TAF15: variants seen among roughly 807,000 people sequenced by gnomAD.
The protein encoded by TAF15 is TATA-box binding protein associated factor 15.
A neutral mutation model predicts 102.5 loss-of-function variants in TAF15; 37 were observed. The observed-to-expected ratio is 0.36, with a 90% CI of 0.28 to 0.47. The LOEUF is 0.47. TAF15 is among the 20% of genes least tolerant of loss of function. The pLI, the probability that TAF15 is intolerant of heterozygous loss-of-function variation, is 0.99. For synonymous variants in TAF15, 273 were observed against 259.2 expected (o/e 1.05, Z -0.51); for missense variants, 652 against 760.7 (o/e 0.86, Z 1.68).
chr17:35,824,277 A>G, intron 7 of TAF15, 79 bp downstream of exon 7: 1 of 1,550,416 alleles, frequency 6.4e-7, no homozygotes, highest in Non-Finnish European at 8.7e-7. Context: ...TGGCTGGATC[A>G]ATTCCAGCAT....
rs370893307 is a variant in TAF15, at chr17:35,827,600, G to A, written c.605+3402G>A. Among the ~76,000 whole-genome samples the A allele has an allele frequency of 8.9e-4, 135 of 152,144 alleles. 1 individual carries two copies. The highest frequency in any genetic ancestry group is 2.9e-3 in the African/African-American group (120 of 41,506). The stretch of plus-strand genomic sequence containing the variant: ...GGGTGCCTATAATCCCAGCTACTCG[G>A]GAGGCTGAGACAGGAGAATCAGTTG... On this transcript the variant is annotated intron_variant, in intron 7 of 15. Transcript: ENST00000605844.
At chr17:35,827,542 TA>T (rs1031314958) in intron 7 of TAF15, among the ~76,000 whole-genome samples, 3 of 151,790 alleles carry the variant, frequency 2.0e-5, no homozygotes, top group Non-Finnish European at 4.4e-5. Flanking sequence ...CCGTCTCTAC[TA>T]AAAATACAAA....
At chr17:35,837,520 T>TA (rs1416355149) in intron 10 of TAF15, among the ~76,000 whole-genome samples, 1 of 151,908 alleles carries the variant, frequency 6.6e-6, no homozygotes, top group Admixed American at 6.6e-5. Flanking sequence ...AATCCCAGTG[T>TA]AACGTTTTAG....
intron 1 of TAF15, among the ~76,000 whole-genome samples, chr17:35,814,146 A>G (rs575591343): frequency 2.0e-5 from 3 of 151,776 alleles, no homozygotes; most frequent in South Asian, 2.1e-4. Flanking sequence ...AGCTCAAGCA[A>G]TTTGCAAACA....
chr17:35,834,441 G>T, intron 8 of TAF15, 125 bp from the exon 9 acceptor site: 1 of 794,114 alleles, frequency 1.3e-6, no homozygotes, highest in Non-Finnish European at 2.1e-6. Context: ...GTAAATCTGT[G>T]ATGGTTGACT....
chr17:35,838,254 G>T (rs908731569), intron 10 of TAF15, among the ~76,000 whole-genome samples, 170 bp from the exon 11 acceptor site: 1 of 152,162 alleles, frequency 6.6e-6, no homozygotes, highest in African/African-American at 2.4e-5. Flanking sequence ...ACTTAGTGTA[G>T]CTTAGAGAGT....
intron 15 of TAF15, 95 bp from the exon 16 acceptor site, chr17:35,846,811 G>C: frequency 3.1e-6 from 4 of 1,294,568 alleles, no homozygotes; most frequent in Non-Finnish European, 4.5e-6. Context: ...AAATTGTCTA[G>C]CTGATGCCAA....
chr17:35,817,659 G>C, intron 1 of TAF15, 57 bp from the exon 2 acceptor site: 4 of 1,505,082 alleles, frequency 2.7e-6, no homozygotes, highest in Non-Finnish European at 3.7e-6. Flanking sequence ...GCTAAAGTCA[G>C]CCTTTGAAGG....
chr17:35,826,558 AT>A (rs551894376), intron 7 of TAF15, among the ~76,000 whole-genome samples: 40,094 of 136,544 alleles, frequency 0.29, 5,582 homozygotes, highest in African/African-American at 0.41. Flanking sequence ...AGTTCATATA[AT>A]TTTTTTTTTT....
chr17:35,836,061 G>A (rs1187149214), intron 9 of TAF15, 71 bp from the exon 10 acceptor site: 2 of 1,063,298 alleles, frequency 1.9e-6, no homozygotes, highest in Non-Finnish European at 2.9e-6. Flanking sequence ...ATAAATTATT[G>A]TCTTTGATTA....
chr17:35,839,370 C>CTTTTTTTTTTT lies in TAF15; in HGVS notation c.913+836_913+846dup, dbSNP rs562461506. On this transcript the variant is annotated intron_variant, in intron 11 of 15. Coordinates refer to ENST00000605844, the MANE Select transcript of TAF15 (RefSeq NM_139215.3). ...TTAATACATACTTAGAAGAAATAGA[C>CTTTTTTTTTTT]TTTTTTTTTTTTTTTTTTTTTTTTT... 4.0e-4 allele frequency among the ~76,000 whole-genome samples: 21 copies of CTTTTTTTTTTT among 52,418 alleles called. 7 individuals carry two copies. The highest frequency in any genetic ancestry group is 1.9e-3 in the African/African-American group (21 of 11,144). The allele number at this position is 52,418 out of a possible 152,430, so 34.4% of individuals were successfully genotyped here. A position where few individuals can be genotyped will look rare whatever the true frequency, so the allele number is the denominator to read the frequency against.
At position 35,822,849 on chromosome 17, in the gene TAF15, C is replaced by G. The variant is rs371818549; in HGVS notation, c.484+16C>G. 2 of 1,612,890 alleles carry G rather than the reference C, an allele frequency of 1.2e-6. No individual in the cohort carries two copies. Among genetic ancestry groups the G allele is most frequent in the Admixed American group, 1.7e-5 (1 of 60,024 alleles). On this transcript the variant is annotated intron_variant, in intron 6 of 15. Transcript: ENST00000605844. ...CACACACAAGGTAAGATTTACTGAC[C>G]TCTATTATTATTTTTCCCCCTCTCA...
chr17:35,813,972 ATTTTCTT>A (rs2087159249), intron 1 of TAF15, among the ~76,000 whole-genome samples: 1 of 149,764 alleles, frequency 6.7e-6, no homozygotes, highest in Admixed American at 6.7e-5. Flanking sequence ...TTGACTTTGA[ATTTTCTT>A]TTTTCTGTTT....
chr17:35,832,309 G>T (rs1459567394), intron 7 of TAF15, among the ~76,000 whole-genome samples: 1 of 152,146 alleles, frequency 6.6e-6, no homozygotes, highest in Non-Finnish European at 1.5e-5. Flanking sequence ...TGTCTATATT[G>T]CCTTGAAATA....
intron 10 of TAF15, among the ~76,000 whole-genome samples, chr17:35,836,538 T>G (rs2087477317): frequency 6.6e-6 from 1 of 152,218 alleles, no homozygotes; most frequent in African/African-American, 2.4e-5. Context: ...CTGAGAACAT[T>G]TTATAGACTG....
chr17:35,845,492 G>A (rs1018711788), intron 15 of TAF15, among the ~76,000 whole-genome samples: 1 of 152,148 alleles, frequency 6.6e-6, no homozygotes, highest in Non-Finnish European at 1.5e-5. Context: ...CTGGCCTCAA[G>A]CATTCCTCCT....
intron 12 of TAF15, among the ~76,000 whole-genome samples, chr17:35,842,760 TCTCA>T (rs1336900047): frequency 6.6e-6 from 1 of 152,158 alleles, no homozygotes; most frequent in African/African-American, 2.4e-5. Context: ...TGAGATGGTG[TCTCA>T]CTCTGTTGCT....
At chr17:35,820,670 A>G (rs1475786668) in intron 5 of TAF15, among the ~76,000 whole-genome samples, 1 of 152,138 alleles carries the variant, frequency 6.6e-6, no homozygotes, top group Non-Finnish European at 1.5e-5. Context: ...ATGTCCTTAA[A>G]AATGTTAGAA....
intron 5 of TAF15, among the ~76,000 whole-genome samples, chr17:35,820,690 C>T (rs2087248074): frequency 6.6e-6 from 1 of 151,938 alleles, no homozygotes. Flanking sequence ...AAATTTTGGA[C>T]CTCTGCTTTA....
Sources: allele counts gnomAD v4.1 joint callset (sites outside exome capture counted in the v4.1 genomes callset), GRCh38; gene constraint gnomAD v4.1.1; transcripts MANE v1.5; gene names NCBI Gene and HGNC (gene_info 2026-07-23, HGNC 2026-07-21).